Variants in CAMK1D observed in about 807,000 individuals in gnomAD.
CAMK1D encodes the protein calcium/calmodulin dependent protein kinase ID.
A neutral mutation model predicts 47.7 loss-of-function variants in CAMK1D; 9 were observed. The ratio of observed to expected loss-of-function variants is 0.19; its 90% confidence interval spans 0.11 to 0.33. CAMK1D has a LOEUF of 0.33. Among genes scored for constraint, CAMK1D ranks in the 10% least tolerant of loss-of-function variants. The probability of loss-of-function intolerance (pLI) is 1.00; values close to 1 mark genes in which losing one functional copy is unlikely to be tolerated. For missense variants in CAMK1D, 291 were observed against 488.7 expected, an observed-to-expected ratio of 0.60 and a Z score of 3.81; for synonymous variants, 184 against 184.9, an observed-to-expected ratio of 0.99 and a Z score of 0.04.
chr10:12,632,884 G>A (rs1171756157), intron 2 of CAMK1D, among the ~76,000 whole-genome samples: 2 of 151,962 alleles, frequency 1.3e-5, no homozygotes, highest in Non-Finnish European at 2.9e-5. Flanking sequence ...TAATAGAGAC[G>A]AGGTTTCACC....
intron 6 of CAMK1D, among the ~76,000 whole-genome samples, chr10:12,806,533 C>T (rs927700082): frequency 6.6e-6 from 1 of 152,222 alleles, no homozygotes; most frequent in South Asian, 2.1e-4. Context: ...CCTCTGGGCC[C>T]TGGCCAGCAG....
At chr10:12,801,323 A>G (rs1233631041) in intron 6 of CAMK1D, among the ~76,000 whole-genome samples, 2 of 113,792 alleles carry the variant, frequency 1.8e-5, no homozygotes, top group Non-Finnish European at 3.5e-5. Context: ...CTATCTATCT[A>G]TCTATCTATC....
intron 1 of CAMK1D, among the ~76,000 whole-genome samples, chr10:12,393,054 C>T (rs1333978319): frequency 6.8e-6 from 1 of 147,700 alleles, no homozygotes; most frequent in Non-Finnish European, 1.5e-5. Flanking sequence ...TTTTTTGAGA[C>T]ACAGTTTTGC....
intron 1 of CAMK1D, among the ~76,000 whole-genome samples, chr10:12,519,236 CG>C (rs1218426837): frequency 1.5e-5 from 1 of 64,594 alleles, no homozygotes; most frequent in Non-Finnish European, 3.2e-5. Flanking sequence ...GCTGGCCGGG[CG>C]GGGGGCTGAC....
intron 1 of CAMK1D, among the ~76,000 whole-genome samples, chr10:12,524,079 A>C (rs1835536505): frequency 6.6e-6 from 1 of 151,854 alleles, no homozygotes; most frequent in Admixed American, 6.6e-5. Flanking sequence ...ATTTTAGTAG[A>C]GACAGGGTTT....
chr10:12,666,899 T>A, intron 3 of CAMK1D, 89 bp downstream of exon 3: 1 of 1,099,310 alleles, frequency 9.1e-7, no homozygotes, highest in Non-Finnish European at 1.4e-6. Flanking sequence ...GTGATTGAAG[T>A]GGGCCAGGTA....
At chr10:12,713,441 A>T (rs570589723) in intron 3 of CAMK1D, among the ~76,000 whole-genome samples, 1 of 152,276 alleles carries the variant, frequency 6.6e-6, no homozygotes, top group Admixed American at 6.5e-5. Flanking sequence ...AGGGGTGCCC[A>T]TTGCTAACTG....
At chr10:12,750,017 G>A (rs543722169) in intron 3 of CAMK1D, among the ~76,000 whole-genome samples, 11 of 152,308 alleles carry the variant, frequency 7.2e-5, no homozygotes, top group South Asian at 4.1e-4. Flanking sequence ...TACCTGGAAC[G>A]TCTGGCAGCT....
rs1260484328 is a variant in CAMK1D at position 12,427,700 on chromosome 10, G to T, written c.92+77790G>T. Among the ~76,000 whole-genome samples the T allele has an allele frequency of 8.5e-3, 262 of 31,004 alleles. 1 individual carries two copies. The highest frequency in any genetic ancestry group is 0.046 in the East Asian group (46 of 1,010). 20.3% of individuals were successfully genotyped at this position (31,004 alleles called of 152,430 possible). A position where few individuals can be genotyped will look rare whatever the true frequency, so the allele number is the denominator to read the frequency against. On this transcript the variant is annotated intron_variant, in intron 1 of 10. Transcript: ENST00000619168. The stretch of plus-strand genomic sequence containing the variant: ...CTTTCCTGGCTTCACTGAACTTACT[G>T]TTTTTTTTTTTTTTTTTTTTTTTTT...
chr10:12,794,959 C>T (rs560413533), intron 6 of CAMK1D, among the ~76,000 whole-genome samples: 6 of 152,224 alleles, frequency 3.9e-5, no homozygotes, highest in African/African-American at 9.6e-5. Context: ...TGAGAGGCAT[C>T]GAGTCTGTAT....
chr10:12,563,745 A>G (rs933582316), intron 2 of CAMK1D, among the ~76,000 whole-genome samples: 2 of 151,540 alleles, frequency 1.3e-5, no homozygotes, highest in Non-Finnish European at 2.9e-5. Flanking sequence ...ATGGCAACAG[A>G]GTATACTTAA....
At chr10:12,546,718 C>T (rs1389282029) in intron 1 of CAMK1D, among the ~76,000 whole-genome samples, 2 of 151,448 alleles carry the variant, frequency 1.3e-5, no homozygotes, top group African/African-American at 4.9e-5. Context: ...GGACAGAAAA[C>T]CAAACACCGC....
intron 4 of CAMK1D, among the ~76,000 whole-genome samples, chr10:12,765,416 T>C (rs1836705665): frequency 6.6e-6 from 1 of 152,104 alleles, no homozygotes; most frequent in South Asian, 2.1e-4. Context: ...AGGGGGATTT[T>C]TGCTAACCTG....
At chr10:12,365,411 A>G (rs2131847643) in intron 1 of CAMK1D, among the ~76,000 whole-genome samples, 1 of 152,236 alleles carries the variant, frequency 6.6e-6, no homozygotes, top group East Asian at 1.9e-4. Flanking sequence ...AGGAGCAATT[A>G]TGATGTTGCA....
chr10:12,587,510 T>A (rs1837854398), intron 2 of CAMK1D, among the ~76,000 whole-genome samples: 1 of 150,034 alleles, frequency 6.7e-6, no homozygotes, highest in Non-Finnish European at 1.5e-5. Flanking sequence ...TCCAGATGGA[T>A]TAAATCAGGC....
chr10:12,789,720 C>T (rs1837893833), intron 5 of CAMK1D, among the ~76,000 whole-genome samples: 1 of 152,204 alleles, frequency 6.6e-6, no homozygotes, highest in South Asian at 2.1e-4. Flanking sequence ...TAATAGTGAC[C>T]ATGCTACCAG....
chr10:12,437,527 A>T (rs1324511165), intron 1 of CAMK1D, among the ~76,000 whole-genome samples: 1 of 152,168 alleles, frequency 6.6e-6, no homozygotes, highest in Non-Finnish European at 1.5e-5. Flanking sequence ...TTTTAGGTTC[A>T]TAGCAAAACC....
At chr10:12,826,261 CTT>C (rs1293156820) in intron 10 of CAMK1D, 1 of 152,932 alleles carries the variant, frequency 6.5e-6, no homozygotes, top group Non-Finnish European at 1.5e-5. Flanking sequence ...GGCCTGGACT[CTT>C]TCTCATCTCC....
intron 2 of CAMK1D, among the ~76,000 whole-genome samples, chr10:12,574,622 A>T (rs2132323608): frequency 6.6e-6 from 1 of 151,746 alleles, no homozygotes; most frequent in East Asian, 1.9e-4. Flanking sequence ...CTGGCCTGGG[A>T]TTCTTTCTTA....
Sources: allele counts gnomAD v4.1 joint callset (sites outside exome capture counted in the v4.1 genomes callset), GRCh38; gene constraint gnomAD v4.1.1; transcripts MANE v1.5; gene names NCBI Gene and HGNC (gene_info 2026-07-23, HGNC 2026-07-21).